OLFML2A: variants seen among roughly 807,000 people sequenced by gnomAD.
OLFML2A encodes olfactomedin like 2A.
In OLFML2A, 47 loss-of-function variants were observed where a neutral mutation model predicts 60.9. The observed-to-expected ratio is 0.77, with a 90% CI of 0.61 to 0.98. The LOEUF is 0.98. Ranked by LOEUF, OLFML2A falls within the 50% of genes least tolerant of loss-of-function variation. The pLI, the probability that OLFML2A is intolerant of heterozygous loss-of-function variation, is 0.00. For missense variants in OLFML2A, 922 were observed against 879.8 expected (o/e 1.05, Z -0.61); for synonymous variants, 372 against 375.0 (o/e 0.99, Z 0.09).
chr9:124,804,467 T>C (rs1168968273), intron 6 of OLFML2A, 125 bp downstream of exon 6: 12 of 943,466 alleles, frequency 1.3e-5, no homozygotes, highest in Non-Finnish European at 3.1e-6. Context: ...CTCACACCTG[T>C]AACACCAGCA....
chr9:124,780,481 G>A (rs1328109539), intron 1 of OLFML2A, among the ~76,000 whole-genome samples: 1 of 152,170 alleles, frequency 6.6e-6, no homozygotes, highest in Non-Finnish European at 1.5e-5. Flanking sequence ...TGGTGTCCGG[G>A]GCTGGATCAG....
At chr9:124,784,592 C>G (rs2131243885) in intron 1 of OLFML2A, among the ~76,000 whole-genome samples, 1 of 152,236 alleles carries the variant, frequency 6.6e-6, no homozygotes, top group East Asian at 1.9e-4. Context: ...CATAGTAAAA[C>G]AAAATAACAA....
Position 124,812,575 on chromosome 9 carries a change from G to T in OLFML2A, c.*2163G>T. The stretch of plus-strand genomic sequence containing the variant: ...GAATGATGACAACCAGCCCAGCCAG[G>T]CCTGACTCATCATGGTCACATCCAG... On this transcript the variant is annotated 3_prime_UTR_variant, in exon 8 of 8. Transcript: ENST00000373580. 1 of 152,994 alleles carries T rather than the reference G, an allele frequency of 6.5e-6. No homozygotes were observed. Among genetic ancestry groups the T allele is most frequent in the Middle Eastern group, 1.5e-3 (1 of 650 alleles). 9.5% of individuals were successfully genotyped at this position (152,994 alleles called of 1,614,324 possible).
At chr9:124,780,636 CTG>C (rs894230101) in intron 1 of OLFML2A, among the ~76,000 whole-genome samples, 2 of 152,216 alleles carry the variant, frequency 1.3e-5, no homozygotes, top group African/African-American at 2.4e-5. Flanking sequence ...CACATCAAGA[CTG>C]TGAGGCCAGG....
intron 2 of OLFML2A, among the ~76,000 whole-genome samples, chr9:124,788,052 G>T (rs1841509434): frequency 6.6e-6 from 1 of 151,950 alleles, no homozygotes; most frequent in Non-Finnish European, 1.5e-5. Context: ...TGTAATCTCA[G>T]CACTTTGGGA....
intron 5 of OLFML2A, among the ~76,000 whole-genome samples, chr9:124,801,937 G>A (rs1272397746): frequency 6.6e-6 from 1 of 152,182 alleles, no homozygotes; most frequent in Admixed American, 6.5e-5. Flanking sequence ...TTTTGAAAAT[G>A]TGCTGAAGGT....
Position 124,777,322 on chromosome 9 carries a change from C to A in OLFML2A, c.52C>A (p.Leu18Met). Residue 18 changes from leucine (L) to methionine (M), a missense_variant, in exon 1 of 8, where the codon CTG (leucine) becomes ATG (methionine). Coordinates refer to ENST00000373580, the MANE Select transcript of OLFML2A (RefSeq NM_182487.4). The surrounding 1 kb of genome is among the most constrained non-coding windows in gnomAD (Gnocchi z 6.2). ...PRPLLLLPLV[L>M]LLSGRPTRAD... ...GCCGCTGCTCCTTCTGCCGCTAGTG[C>A]TGCTGCTGAGCGGCCGCCCCACGCG... The A allele has an allele frequency of 7.7e-7, 1 of 1,296,798 alleles. No homozygotes were observed. The highest frequency in any genetic ancestry group is 9.8e-7 in the Non-Finnish European group (1 of 1,016,982). 80.3% of individuals were successfully genotyped at this position (1,296,798 alleles called of 1,614,324 possible). A position where few individuals can be genotyped will look rare whatever the true frequency, so the allele number is the denominator to read the frequency against.
chr9:124,794,356 G>T (rs887960551), intron 2 of OLFML2A, among the ~76,000 whole-genome samples: 7 of 152,218 alleles, frequency 4.6e-5, no homozygotes, highest in Non-Finnish European at 4.4e-5. Context: ...CCAGGGACGG[G>T]CACAAAATCT....
rs1035988461 is a variant in OLFML2A, at chr9:124,777,373, C to G, written c.90+13C>G. ...CGCCGACAGTAAGGTACGCACGCCCCTCGGACCCGCGCGGCTCGGCGGGTA... is the reference window on the plus strand; with the variant it reads ...CGCCGACAGTAAGGTACGCACGCCCGTCGGACCCGCGCGGCTCGGCGGGTA... On this transcript the variant is annotated intron_variant, in intron 1 of 7. Coordinates refer to ENST00000373580, the MANE Select transcript of OLFML2A (RefSeq NM_182487.4). This position sits in a 1 kb window ranked among gnomAD's most constrained non-coding sequence, Gnocchi z 6.2. 222 of 1,247,422 alleles carry G rather than the reference C, an allele frequency of 1.8e-4. No individual in the cohort carries two copies. Among genetic ancestry groups the G allele is most frequent in the Non-Finnish European group, 2.2e-4 (219 of 994,116 alleles). 77.3% of individuals were successfully genotyped at this position (1,247,422 alleles called of 1,614,324 possible).
rs571056738 is a variant in OLFML2A at position 124,798,825 on chromosome 9, A to T, written c.463-460A>T. On this transcript the variant is annotated intron_variant, in intron 3 of 7. Transcript: ENST00000373580. ...AGCAATGGTGTACTGTGTGGCCATG[A>T]GAAGGAACGGAGCACTATATATGCA... Among the ~76,000 whole-genome samples, 136 of 152,312 alleles carry T rather than the reference A, an allele frequency of 8.9e-4. 1 individual carries two copies. The highest frequency in any genetic ancestry group is 3.2e-3 in the African/African-American group (135 of 41,568).
chr9:124,787,206 A>G lies in OLFML2A; in HGVS notation c.322A>G (p.Lys108Glu). The G allele has an allele frequency of 6.2e-7, 1 of 1,614,122 alleles. No individual in the cohort carries two copies. Among genetic ancestry groups the G allele is most frequent in the African/African-American group, 1.3e-5 (1 of 75,048 alleles). ...CTGTGAGAACGAGTGGAAGATGGAG[A>G]AACTCAAAAAGCAGGCGCCCGAGCT... The part of the protein sequence containing the change: ...NPCENEWKME[K>E]LKKQAPELLK... The change falls in exon 2 of 8, where the codon AAA becomes GAA. Residue 108 changes from lysine (K) to glutamate (E), a missense_variant. Transcript: ENST00000373580.
rs1322214655 is a variant in OLFML2A, at chr9:124,777,285, C to T, written c.15C>T (p.Ala5=). Residue 5 remains alanine (A), a synonymous_variant, in exon 1 of 8, where the codon GCC becomes GCT. Coordinates refer to ENST00000373580, the MANE Select transcript of OLFML2A (RefSeq NM_182487.4). The surrounding 1 kb of genome is among the most constrained non-coding windows in gnomAD (Gnocchi z 6.2). MAAA[A]LPPRPLLLLP... ...CCCGTGGCGCCATGGCCGCTGCCGC[C>T]CTCCCGCCCCGGCCGCTGCTCCTTC... 5 of 1,239,066 alleles carry T rather than the reference C, an allele frequency of 4.0e-6. No individual in the cohort carries two copies. Among genetic ancestry groups the T allele is most frequent in the Non-Finnish European group, 5.1e-6 (5 of 981,402 alleles). The allele number at this position is 1,239,066 out of a possible 1,614,324, so 76.8% of individuals were successfully genotyped here.
chr9:124,799,460 C>T lies in OLFML2A; in HGVS notation c.638C>T (p.Thr213Ile). 6.2e-7 allele frequency: 1 copy of T among 1,606,200 alleles called. No homozygotes were observed. Among genetic ancestry groups the T allele is most frequent in the Non-Finnish European group, 8.5e-7 (1 of 1,177,210 alleles). The change falls in exon 4 of 8, where the codon ACC becomes ATC. Residue 213 changes from threonine (T) to isoleucine (I), a missense_variant. Thr to Ile is a moderately conservative substitution (Grantham distance 89). Transcript: ENST00000373580. ...AAGGATGCCGCCGCCGCCCCTGCCA[C>T]CCCTGCCACGGGCACTGGTAGCAAG... ...LQKDAAAAPA[T>I]PATGTGSKAQ...
At chr9:124,809,727 A>T in intron 7 of OLFML2A, 81 bp from the exon 8 acceptor site, 3 of 1,487,932 alleles carry the variant, frequency 2.0e-6, no homozygotes, top group Non-Finnish European at 1.8e-6. Context: ...TGGGCCACTG[A>T]GAGCCCTTGG....
chr9:124,795,106 C>A lies in OLFML2A; in HGVS notation c.437C>A (p.Ala146Asp). 6.2e-7 allele frequency: 1 copy of A among 1,603,870 alleles called. No homozygotes were observed. Among genetic ancestry groups the A allele is most frequent in the Non-Finnish European group, 8.5e-7 (1 of 1,173,834 alleles). ...GTGCACGCCTACGTCCACAAGGTGGCCTCCCAGATGAACACACTGGAAGAG... is the reference window on the plus strand; with the variant it reads ...GTGCACGCCTACGTCCACAAGGTGGACTCCCAGATGAACACACTGGAAGAG... ...MKVHAYVHKVASQMNTLEESI... is the reference protein window; with the variant it reads ...MKVHAYVHKVDSQMNTLEESI... Residue 146 changes from alanine to aspartate, a missense_variant, in exon 3 of 8, where the codon GCC (alanine) becomes GAC (aspartate). Coordinates refer to ENST00000373580, the MANE Select transcript of OLFML2A (RefSeq NM_182487.4).
intron 6 of OLFML2A, 34 bp downstream of exon 6, chr9:124,804,376 G>C (rs1841848646): frequency 6.7e-7 from 1 of 1,498,790 alleles, no homozygotes; most frequent in East Asian, 2.5e-5. Flanking sequence ...GCACACTGTA[G>C]CCTGTGCCCA....
chr9:124,782,331 A>G (rs75351010), intron 1 of OLFML2A, among the ~76,000 whole-genome samples: 2,828 of 152,310 alleles, frequency 0.019, 60 homozygotes, highest in East Asian at 0.094. Context: ...GGTTATGGTG[A>G]GAACACAGAG....
At chr9:124,805,813 T>G (rs1326130269) in intron 6 of OLFML2A, among the ~76,000 whole-genome samples, 12 of 126,878 alleles carry the variant, frequency 9.5e-5, no homozygotes, top group Middle Eastern at 3.6e-3. Flanking sequence ...TTTTGGTTTT[T>G]TTTTTTTTTT....
At chr9:124,807,294 C>CTTTTTTTTTTT (rs56823893) in intron 6 of OLFML2A, among the ~76,000 whole-genome samples, 1 of 136,160 alleles carries the variant, frequency 7.3e-6, no homozygotes, top group Non-Finnish European at 1.5e-5. Context: ...TCTCCATTCT[C>CTTTTTTTTTTT]TTTTTTTTTT....
Sources: gnomAD v4.1 joint callset for allele counts (sites outside exome capture counted in the v4.1 genomes callset) on GRCh38, gnomAD v4.1.1 for gene constraint, Gnocchi (gnomAD v3.1) non-coding constraint, MANE v1.5 for transcripts, NCBI Gene and HGNC (gene_info 2026-07-23, HGNC 2026-07-21) for gene names.